PAX7: variants seen among roughly 807,000 people sequenced by gnomAD.
The protein encoded by PAX7 is paired box protein Pax-7.
In PAX7, 18 loss-of-function variants were observed where a neutral mutation model predicts 50.7. The ratio of observed to expected loss-of-function variants is 0.36; its 90% CI spans 0.25 to 0.53. PAX7 has a LOEUF of 0.53. PAX7 is among the 20% of genes least tolerant of loss of function. The pLI, the probability that PAX7 is intolerant of heterozygous loss-of-function variation, is 0.93. For synonymous variants in PAX7, 310 were observed against 290.4 expected, an observed-to-expected ratio of 1.07 and a Z score of -0.69; for missense variants, 644 against 702.9, an observed-to-expected ratio of 0.92 and a Z score of 0.95.
At chr1:18,711,232 T>C (rs2100345281) in intron 7 of PAX7, among the ~76,000 whole-genome samples, 1 of 152,240 alleles carries the variant, frequency 6.6e-6, no homozygotes, top group South Asian at 2.1e-4. Context: ...TTGCTTAACC[T>C]CTCTGGGCTT....
At chr1:18,665,671 C>G (rs993941435) in intron 4 of PAX7, among the ~76,000 whole-genome samples, 10 of 71,772 alleles carry the variant, frequency 1.4e-4, no homozygotes, top group African/African-American at 9.2e-4. Context: ...CTGCGCCCAG[C>G]CTTTTTTTTT....
At chr1:18,693,666 C>T (rs1349754017) in intron 5 of PAX7, among the ~76,000 whole-genome samples, 1 of 152,190 alleles carries the variant, frequency 6.6e-6, no homozygotes, top group Non-Finnish European at 1.5e-5. Flanking sequence ...GAGGCAGCAG[C>T]CAGCTCATCT....
At chr1:18,672,848 C>G (rs886743810) in intron 4 of PAX7, among the ~76,000 whole-genome samples, 1 of 152,122 alleles carries the variant, frequency 6.6e-6, no homozygotes, top group South Asian at 2.1e-4. Context: ...AGGTGATCTG[C>G]CTGCCTCAGC....
chr1:18,635,986 C>T (rs935902698), intron 3 of PAX7, among the ~76,000 whole-genome samples: 1 of 152,120 alleles, frequency 6.6e-6, no homozygotes, highest in African/African-American at 2.4e-5. Flanking sequence ...GGCACGAATG[C>T]ATGCAAGCAT....
At chr1:18,731,208 C>T (rs966336348) in intron 7 of PAX7, among the ~76,000 whole-genome samples, 4 of 152,206 alleles carry the variant, frequency 2.6e-5, no homozygotes, top group East Asian at 1.9e-4. Flanking sequence ...TTGCAGGCTC[C>T]GGACCTCAGC....
At chr1:18,693,905 C>G (rs2100301695) in intron 5 of PAX7, among the ~76,000 whole-genome samples, 1 of 152,346 alleles carries the variant, frequency 6.6e-6, no homozygotes, top group Non-Finnish European at 1.5e-5. Context: ...AAACAGGTGT[C>G]ACTCAAGGTC....
intron 4 of PAX7, among the ~76,000 whole-genome samples, chr1:18,670,663 C>T (rs975238314): frequency 1.3e-5 from 2 of 152,226 alleles, no homozygotes; most frequent in African/African-American, 4.8e-5. Flanking sequence ...CCATCCGTCA[C>T]ACCAGAAGCC....
intron 4 of PAX7, among the ~76,000 whole-genome samples, chr1:18,651,755 T>C (rs945921083): frequency 4.0e-5 from 6 of 151,632 alleles, no homozygotes; most frequent in African/African-American, 1.5e-4. Flanking sequence ...CCTCTCAAAG[T>C]TCCGTCCCTC....
At position 18,735,668 on chromosome 1, in the gene PAX7, C is replaced by A. The variant is rs1345190091; in HGVS notation, c.1192C>A (p.Pro398Thr). 6.2e-7 allele frequency: 1 copy of A among 1,613,898 alleles called. No individual in the cohort carries two copies. Among genetic ancestry groups the A allele is most frequent in the Admixed American group, 1.7e-5 (1 of 60,004 alleles). Residue 398 changes from proline to threonine, a missense_variant, in exon 8 of 9, where the codon CCG becomes ACG. By Grantham distance (38) the Pro-to-Thr change is conservative. Transcript: ENST00000420770. This position sits in a 1 kb window ranked among gnomAD's most constrained non-coding sequence, Gnocchi z 4.0. ...SILGNPSAVP[P>T]QPQADFSISP... ...CTTGGGCAACCCCAGTGCGGTGCCC[C>A]CGCAGCCACAGGCTGACTTCTCCAT...
chr1:18,675,515 C>T (rs2088811086), intron 4 of PAX7, among the ~76,000 whole-genome samples: 1 of 152,148 alleles, frequency 6.6e-6, no homozygotes, highest in Non-Finnish European at 1.5e-5. Context: ...CAATTGCATG[C>T]CGGTGCTGTC....
chr1:18,725,315 C>CAA (rs1283493000), intron 7 of PAX7, among the ~76,000 whole-genome samples: 1 of 143,946 alleles, frequency 6.9e-6, no homozygotes, highest in African/African-American at 2.7e-5. Flanking sequence ...CCCCCCCCGC[C>CAA]CCACCAACAC....
chr1:18,658,247 C>T (rs2088551678), intron 4 of PAX7, among the ~76,000 whole-genome samples: 1 of 151,486 alleles, frequency 6.6e-6, no homozygotes, highest in Admixed American at 6.6e-5. Flanking sequence ...TCGCTCCTGC[C>T]CTCCCCCTCC....
chr1:18,706,944 A>C (rs2089292031), intron 7 of PAX7, among the ~76,000 whole-genome samples: 1 of 152,144 alleles, frequency 6.6e-6, no homozygotes, highest in South Asian at 2.1e-4. Context: ...GCTTGACCCA[A>C]GTCCCTTGTC....
chr1:18,742,315 G>T (rs187789498), intron 8 of PAX7, among the ~76,000 whole-genome samples: 1 of 152,038 alleles, frequency 6.6e-6, no homozygotes, highest in South Asian at 2.1e-4. Context: ...GCGCCACCAC[G>T]TCCGGCTAAT....
intron 7 of PAX7, among the ~76,000 whole-genome samples, chr1:18,720,887 G>T (rs944476953): frequency 5.3e-5 from 8 of 152,014 alleles, no homozygotes; most frequent in African/African-American, 1.9e-4. Flanking sequence ...GATGATGGAG[G>T]GGGGACCCAG....
chr1:18,691,577 A>G (rs1326652605), intron 4 of PAX7, among the ~76,000 whole-genome samples, 177 bp from the exon 5 acceptor site: 1 of 152,194 alleles, frequency 6.6e-6, no homozygotes, highest in Non-Finnish European at 1.5e-5. Flanking sequence ...CATCCTTCAC[A>G]TTGATAAACA....
intron 7 of PAX7, among the ~76,000 whole-genome samples, chr1:18,717,236 C>CCGGGGG (rs1557548632): frequency 3.3e-5 from 5 of 152,318 alleles, no homozygotes; most frequent in African/African-American, 1.2e-4. Flanking sequence ...CGCGCCTGGC[C>CCGGGGG]GCCCCCCGGA....
chr1:18,725,481 G>A (rs1326236208), intron 7 of PAX7, among the ~76,000 whole-genome samples: 3 of 152,062 alleles, frequency 2.0e-5, no homozygotes, highest in East Asian at 1.9e-4. Context: ...ACCTGGAGCC[G>A]CTGACAAACT....
intron 4 of PAX7, among the ~76,000 whole-genome samples, chr1:18,690,322 G>T (rs967327725): frequency 6.6e-6 from 1 of 152,236 alleles, no homozygotes. Context: ...AGGAAGGAAG[G>T]TAGCCTCTGA....
Sources: allele counts gnomAD v4.1 joint callset (sites outside exome capture counted in the v4.1 genomes callset), GRCh38; gene constraint gnomAD v4.1.1; non-coding constraint Gnocchi (gnomAD v3.1); transcripts MANE v1.5; gene names NCBI Gene and HGNC (gene_info 2026-07-23, HGNC 2026-07-21).